The following ANOS1 variants were observed in gnomAD, a reference collection of about 807,000 sequenced individuals.
The protein encoded by ANOS1 is anosmin 1, also known as anosmin-1.
A neutral mutation model predicts 59.0 loss-of-function variants in ANOS1; 6 were observed. The observed-to-expected ratio is 0.10, with a 90% CI of 0.06 to 0.20. The LOEUF (loss-of-function observed/expected upper bound fraction) is 0.20. Among genes scored for constraint, ANOS1 ranks in the 10% least tolerant of loss-of-function variants. The probability of loss-of-function intolerance (pLI) is 1.00; values close to 1 mark genes in which losing one functional copy is unlikely to be tolerated. For missense variants in ANOS1, 433 were observed against 542.3 expected (o/e 0.80, Z 2.00); for synonymous variants, 217 against 223.4 (o/e 0.97, Z 0.25).
At chrX:8,552,521 A>T (rs1276172807) in intron 9 of ANOS1, among the ~76,000 whole-genome samples, 1 of 112,285 alleles carries the variant, frequency 8.9e-6, no homozygotes, top group Non-Finnish European at 1.9e-5. Context: ...AACAGAATGC[A>T]TTGGTTTCTC....
chrX:8,575,985 T>C (rs1930313777), intron 6 of ANOS1, among the ~76,000 whole-genome samples: 1 of 111,421 alleles, frequency 9.0e-6, no homozygotes, highest in Non-Finnish European at 1.9e-5. Context: ...GTTGTGTGCC[T>C]GTTGTCCTAG....
chrX:8,586,990 A>T (rs767590351), intron 5 of ANOS1, among the ~76,000 whole-genome samples: 2 of 109,623 alleles, frequency 1.8e-5, no homozygotes, highest in South Asian at 7.9e-4. Flanking sequence ...CCTTGGAAAA[A>T]ATGATCTAAT....
chrX:8,692,642 C>T (rs1227889660), intron 2 of ANOS1, among the ~76,000 whole-genome samples: 1 of 111,218 alleles, frequency 9.0e-6, no homozygotes, highest in Non-Finnish European at 1.9e-5. Context: ...GAGGGCCTCC[C>T]GATCCCTGGA....
intron 3 of ANOS1, among the ~76,000 whole-genome samples, chrX:8,612,443 AAG>A (rs749385809): frequency 9.0e-6 from 1 of 111,518 alleles, no homozygotes; most frequent in East Asian, 2.8e-4. Context: ...AAATTATATA[AAG>A]AGAGTCAAAC....
At chrX:8,642,275 T>C (rs1478696632) in intron 2 of ANOS1, among the ~76,000 whole-genome samples, 1 of 112,045 alleles carries the variant, frequency 8.9e-6, no homozygotes, top group Non-Finnish European at 1.9e-5. Flanking sequence ...TTACATGCTG[T>C]ATGATTCCAT....
intron 2 of ANOS1, among the ~76,000 whole-genome samples, chrX:8,653,922 T>G (rs16985090): frequency 0.068 from 7,597 of 112,086 alleles, 537 homozygotes; most frequent in African/African-American, 0.21. Context: ...TTTGTTTTCA[T>G]GTTAAATTGT....
chrX:8,632,828 TA>T (rs1199348918), intron 2 of ANOS1, among the ~76,000 whole-genome samples: 1 of 111,109 alleles, frequency 9.0e-6, no homozygotes, highest in Non-Finnish European at 1.9e-5. Context: ...TCATATCATA[TA>T]ACAATGCTAT....
chrX:8,628,930 A>G (rs1157284619), intron 2 of ANOS1, among the ~76,000 whole-genome samples: 1 of 111,853 alleles, frequency 8.9e-6, no homozygotes, highest in African/African-American at 3.3e-5. Flanking sequence ...GCCTCATCAC[A>G]ACACATCTAT....
At chrX:8,586,119 C>CCTTTG (rs750678971) in intron 5 of ANOS1, among the ~76,000 whole-genome samples, 341 of 111,957 alleles carry the variant, frequency 3.0e-3, no homozygotes, top group Middle Eastern at 0.019. Context: ...GATCTGAAAA[C>CCTTTG]CTTTGCCTTG....
Position 8,619,070 on chromosome X carries a change from C to CAAAAAAAAAAAAAAAAAAAAA in ANOS1, c.318+4517_318+4537dup, listed in dbSNP as rs1164164251. ...CCTGGGCGACAGAGCAAACCTCTCT[C>CAAAAAAAAAAAAAAAAAAAAA]AAAAAAAAAAAAAAAAAAAAAAAAA... On this transcript the variant is annotated intron_variant, in intron 3 of 13. Transcript: ENST00000262648. Among the ~76,000 whole-genome samples, 35 of 43,975 alleles carry CAAAAAAAAAAAAAAAAAAAAA rather than the reference C, an allele frequency of 8.0e-4. 1 individual carries two copies. Among genetic ancestry groups the CAAAAAAAAAAAAAAAAAAAAA allele is most frequent in the East Asian group, 2.6e-3 (2 of 765 alleles). 38.2% of individuals were successfully genotyped at this position (43,975 alleles called of 115,157 possible).
At chrX:8,631,936 G>A (rs150174128) in intron 2 of ANOS1, among the ~76,000 whole-genome samples, 1 of 112,252 alleles carries the variant, frequency 8.9e-6, no homozygotes, top group African/African-American at 3.2e-5. Flanking sequence ...GTAAGCATTT[G>A]GATGTAGGGA....
intron 2 of ANOS1, among the ~76,000 whole-genome samples, chrX:8,661,879 G>C (rs186068811): frequency 9.0e-6 from 1 of 110,974 alleles, no homozygotes; most frequent in South Asian, 3.9e-4. Context: ...TGTAAGGGAC[G>C]GACATCAAAC....
At chrX:8,559,465 T>G (rs757190225) in intron 8 of ANOS1, among the ~76,000 whole-genome samples, 10 of 111,979 alleles carry the variant, frequency 8.9e-5, no homozygotes, top group Non-Finnish European at 1.7e-4. Flanking sequence ...GATAGAGATA[T>G]GCTACTATAA....
intron 2 of ANOS1, among the ~76,000 whole-genome samples, chrX:8,653,877 G>A (rs1307931081): frequency 8.9e-6 from 1 of 112,236 alleles, no homozygotes; most frequent in Non-Finnish European, 1.9e-5. Flanking sequence ...GAAGGAGACA[G>A]CATGACATGG....
chrX:8,721,211 G>A (rs1480070493), intron 1 of ANOS1, among the ~76,000 whole-genome samples: 8 of 111,486 alleles, frequency 7.2e-5, no homozygotes, highest in Non-Finnish European at 3.8e-5. Flanking sequence ...GAGAAATCCC[G>A]TCCTAGTTCC....
chrX:8,668,538 T>G (rs1341399941), intron 2 of ANOS1, among the ~76,000 whole-genome samples: 1 of 100,112 alleles, frequency 1.0e-5, no homozygotes, highest in East Asian at 3.0e-4. Flanking sequence ...TATATATATA[T>G]ATATATGATG....
intron 1 of ANOS1, among the ~76,000 whole-genome samples, chrX:8,701,672 A>G (rs1221545654): frequency 8.9e-6 from 1 of 112,491 alleles, no homozygotes; most frequent in Non-Finnish European, 1.9e-5. Context: ...ATGCTACAGC[A>G]ATCTTGCTTC....
At chrX:8,568,468 G>A in intron 7 of ANOS1, 92 bp from the exon 8 acceptor site, 3 of 825,511 alleles carry the variant, frequency 3.6e-6, no homozygotes, top group Admixed American at 2.3e-5. Flanking sequence ...TATGAAGCAT[G>A]CCAACTTCTG....
chrX:8,682,282 T>A, intron 2 of ANOS1, among the ~76,000 whole-genome samples: 1 of 105,423 alleles, frequency 9.5e-6, no homozygotes. Flanking sequence ...GGAAGATAAA[T>A]GTCAGAGAAA....
Sources: allele counts gnomAD v4.1 joint callset (sites outside exome capture counted in the v4.1 genomes callset), GRCh38; gene constraint gnomAD v4.1.1; transcripts MANE v1.5; gene names NCBI Gene and HGNC (gene_info 2026-07-23, HGNC 2026-07-21).